PTCSC3: variants seen among roughly 807,000 people sequenced by gnomAD.
PTCSC3 encodes papillary thyroid carcinoma susceptibility candidate 3 (non-protein coding).
intron 3 of PTCSC3, among the ~76,000 whole-genome samples, chr14:36,147,158 G>A (rs1420464800): frequency 6.6e-6 from 1 of 152,042 alleles, no homozygotes; most frequent in Non-Finnish European, 1.5e-5. Flanking sequence ...TGCTCTTCTG[G>A]AGGAGTATCT....
At chr14:36,142,005 T>C (rs1566502330) in intron 3 of PTCSC3, among the ~76,000 whole-genome samples, 4 of 152,236 alleles carry the variant, frequency 2.6e-5, no homozygotes, top group Admixed American at 2.0e-4. Context: ...CCAACCTGTA[T>C]GCCTTTTGTC....
At chr14:36,145,138 C>T (rs1881530239) in intron 3 of PTCSC3, among the ~76,000 whole-genome samples, 1 of 139,124 alleles carries the variant, frequency 7.2e-6, no homozygotes, top group Admixed American at 7.1e-5. Flanking sequence ...TGTTGTGTCT[C>T]TGCCTGGCTT....
chr14:36,165,722 C>CTTTTTTTTTTTTT (rs71448056), intron 1 of PTCSC3, among the ~76,000 whole-genome samples: 1 of 124,820 alleles, frequency 8.0e-6, no homozygotes, highest in Non-Finnish European at 1.7e-5. Flanking sequence ...TTTATTTTTC[C>CTTTTTTTTTTTTT]TTTTTTTTTT....
At chr14:36,175,983 A>G (rs993711014) in intron 1 of PTCSC3, among the ~76,000 whole-genome samples, 2 of 152,208 alleles carry the variant, frequency 1.3e-5, no homozygotes, top group Non-Finnish European at 2.9e-5. Context: ...TAGAAAGAAA[A>G]GAACCAACAA....
intron 2 of PTCSC3, among the ~76,000 whole-genome samples, chr14:36,161,740 G>A (rs1185867573): frequency 6.6e-6 from 1 of 152,210 alleles, no homozygotes; most frequent in East Asian, 1.9e-4. Flanking sequence ...CCTTAGCAGA[G>A]CTTGAACGCT....
chr14:36,159,416 AGC>A, intron 2 of PTCSC3, among the ~76,000 whole-genome samples: 1 of 152,136 alleles, frequency 6.6e-6, no homozygotes, highest in South Asian at 2.1e-4. Context: ...ACACTGTTTT[AGC>A]TGTGTCCCAG....
intron 3 of PTCSC3, among the ~76,000 whole-genome samples, chr14:36,141,586 C>A (rs573980003): frequency 6.6e-6 from 1 of 152,172 alleles, no homozygotes; most frequent in East Asian, 1.9e-4. Context: ...CTCCTAACAT[C>A]AGGTGGTCTG....
At chr14:36,136,429 A>G (rs1467098152) in intron 3 of PTCSC3, 2 of 152,230 alleles carry the variant, frequency 1.3e-5, no homozygotes, top group African/African-American at 4.8e-5. Context: ...TTTTCTATTT[A>G]TACTTTAGAA....
At chr14:36,151,417 G>C (rs1881721229) in intron 3 of PTCSC3, among the ~76,000 whole-genome samples, 1 of 151,900 alleles carries the variant, frequency 6.6e-6, no homozygotes, top group Non-Finnish European at 1.5e-5. Context: ...TTGGCTTGGT[G>C]TTTCTTATTA....
chr14:36,156,907 A>G (rs1469252258), intron 2 of PTCSC3, among the ~76,000 whole-genome samples: 1 of 152,202 alleles, frequency 6.6e-6, no homozygotes, highest in Non-Finnish European at 1.5e-5. Flanking sequence ...AGAATGATTT[A>G]TAATCCTTTG....
At chr14:36,160,733 G>A (rs1453715560) in intron 2 of PTCSC3, among the ~76,000 whole-genome samples, 1 of 151,976 alleles carries the variant, frequency 6.6e-6, no homozygotes, top group East Asian at 1.9e-4. Context: ...GTATCTTTGT[G>A]GTGTTCTCTG....
intron 3 of PTCSC3, among the ~76,000 whole-genome samples, chr14:36,138,084 A>C (rs1194858969): frequency 3.3e-5 from 5 of 152,178 alleles, no homozygotes; most frequent in African/African-American, 1.2e-4. Context: ...AACAGGAAGA[A>C]GTGGCTGCTA....
intron 3 of PTCSC3, among the ~76,000 whole-genome samples, chr14:36,145,046 G>T (rs1881527253): frequency 1.2e-5 from 1 of 82,326 alleles, no homozygotes; most frequent in Admixed American, 1.1e-4. Flanking sequence ...TTGATGTGCT[G>T]CTGGATTCGT....
intron 3 of PTCSC3, among the ~76,000 whole-genome samples, chr14:36,142,941 A>G (rs1378547357): frequency 6.6e-6 from 1 of 151,742 alleles, no homozygotes; most frequent in African/African-American, 2.4e-5. Flanking sequence ...GTTTACTGAG[A>G]ATGATGATTT....
At chr14:36,135,292 T>A (rs1881260819), downstream of PTCSC3, among the ~76,000 whole-genome samples, 1 of 152,216 alleles carries the variant, frequency 6.6e-6, no homozygotes, top group Admixed American at 6.5e-5. Flanking sequence ...TGTGCATGTG[T>A]GTGTTTTCAT....
chr14:36,156,261 TAAC>T (rs999873714), intron 2 of PTCSC3, among the ~76,000 whole-genome samples: 1 of 152,176 alleles, frequency 6.6e-6, no homozygotes, highest in Admixed American at 6.5e-5. Context: ...TTTCAAAAGA[TAAC>T]AATATATGCA....
chr14:36,156,261 T>A (rs1881823317), intron 2 of PTCSC3, among the ~76,000 whole-genome samples: 1 of 152,176 alleles, frequency 6.6e-6, no homozygotes, highest in African/African-American at 2.4e-5. Context: ...TTTCAAAAGA[T>A]AACAATATAT....
intron 1 of PTCSC3, among the ~76,000 whole-genome samples, chr14:36,168,577 AT>A (rs1462392063): frequency 1.3e-5 from 2 of 151,868 alleles, no homozygotes; most frequent in Non-Finnish European, 2.9e-5. Flanking sequence ...AGAAACTCAG[AT>A]TTAAAAAGAA....
chr14:36,137,679 AG>A (rs980763826), intron 3 of PTCSC3, among the ~76,000 whole-genome samples: 1 of 152,226 alleles, frequency 6.6e-6, no homozygotes, highest in African/African-American at 2.4e-5. Context: ...GATAACTCCA[AG>A]GTTTCTCACA....
Sources: allele counts gnomAD v4.1 joint callset (sites outside exome capture counted in the v4.1 genomes callset), GRCh38; gene constraint gnomAD v4.1.1; transcripts MANE v1.5; gene names NCBI Gene and HGNC (gene_info 2026-07-23, HGNC 2026-07-21).